The following FRAS1 variants were observed in gnomAD, a reference collection of about 807,000 sequenced individuals.
FRAS1 encodes the protein extracellular matrix organizing protein FRAS1.
A neutral mutation model predicts 435.2 loss-of-function variants in FRAS1; 290 were observed. The observed-to-expected ratio is 0.67, with a 90% CI of 0.61 to 0.73. FRAS1 has a LOEUF of 0.73. FRAS1 is among the 30% of genes least tolerant of loss of function. FRAS1 has a pLI of 0.00. For missense variants in FRAS1, 4,860 were observed against 5,001.5 expected, an observed-to-expected ratio of 0.97 and a Z score of 0.85; for synonymous variants, 1,800 against 1,851.0, an observed-to-expected ratio of 0.97 and a Z score of 0.71.
At chr4:78,118,876 T>G (rs982216206) in intron 2 of FRAS1, among the ~76,000 whole-genome samples, 2 of 152,192 alleles carry the variant, frequency 1.3e-5, no homozygotes, top group African/African-American at 4.8e-5. Flanking sequence ...GTACCTCAGT[T>G]GGAAATGCAG....
At chr4:78,452,452 T>C (rs1719055824) in intron 47 of FRAS1, 98 bp downstream of exon 47, 1 of 888,996 alleles carries the variant, frequency 1.1e-6, no homozygotes, top group Non-Finnish European at 1.7e-6. Flanking sequence ...AGAATCTGCC[T>C]TAATTCATAT....
At chr4:78,357,759 C>T (rs13114164) in intron 20 of FRAS1, among the ~76,000 whole-genome samples, 15,618 of 151,994 alleles carry the variant, frequency 0.1, 900 homozygotes, top group African/African-American at 0.15. Flanking sequence ...AAGAATTAGG[C>T]GGACCCGGTG....
chr4:78,129,238 G>A (rs1391737191), intron 2 of FRAS1, among the ~76,000 whole-genome samples: 2 of 152,168 alleles, frequency 1.3e-5, no homozygotes, highest in Non-Finnish European at 2.9e-5. Flanking sequence ...GGCGATGTGG[G>A]CTCTTTTTTG....
At chr4:78,154,515 A>G (rs978509174) in intron 2 of FRAS1, among the ~76,000 whole-genome samples, 1 of 152,176 alleles carries the variant, frequency 6.6e-6, no homozygotes, top group Admixed American at 6.5e-5. Flanking sequence ...TAATGTTTGC[A>G]TGTTTTAAGG....
Position 78,509,011 on chromosome 4 carries a change from G to T in FRAS1, c.9780+5G>T, listed in dbSNP as rs771232218. The T allele has an allele frequency of 6.2e-7, 1 of 1,613,848 alleles. No individual in the cohort carries two copies. The highest frequency in any genetic ancestry group is 8.5e-7 in the Non-Finnish European group (1 of 1,179,850). Reference sequence around the variant, plus strand: ...TTCACCAGTGTCAACCACATGGTAGGTCTGGGGGTCTGGGCCTGGTTCTCC... The same window carrying T: ...TTCACCAGTGTCAACCACATGGTAGTTCTGGGGGTCTGGGCCTGGTTCTCC... On this transcript the variant is annotated splice_donor_5th_base_variant and intron_variant, in intron 63 of 73. Coordinates refer to ENST00000512123, the MANE Select transcript of FRAS1 (RefSeq NM_025074.7).
chr4:78,503,299 T>C (rs560286385), intron 61 of FRAS1, among the ~76,000 whole-genome samples: 1 of 152,378 alleles, frequency 6.6e-6, no homozygotes, highest in South Asian at 2.1e-4. Flanking sequence ...TACCAGCTCT[T>C]CTTTGTACCT....
intron 2 of FRAS1, among the ~76,000 whole-genome samples, chr4:78,125,905 G>A (rs7676083): frequency 0.46 from 70,606 of 152,008 alleles, 19,631 homozygotes; most frequent in Non-Finnish European, 0.61. Flanking sequence ...AACCACTGCC[G>A]TCTTCAGAGC....
intron 60 of FRAS1, among the ~76,000 whole-genome samples, chr4:78,497,537 A>G (rs1178155362): frequency 6.6e-6 from 1 of 152,218 alleles, no homozygotes; most frequent in Non-Finnish European, 1.5e-5. Flanking sequence ...AATGTTACAA[A>G]TAGTGATAGC....
intron 70 of FRAS1, among the ~76,000 whole-genome samples, chr4:78,531,967 C>T (rs554592726): frequency 4.6e-5 from 7 of 152,312 alleles, no homozygotes; most frequent in Non-Finnish European, 8.8e-5. Flanking sequence ...GCCCACCTGG[C>T]AAAAGCCCTG....
intron 59 of FRAS1, among the ~76,000 whole-genome samples, chr4:78,492,605 G>A (rs764617921): frequency 8.5e-5 from 13 of 152,172 alleles, no homozygotes; most frequent in Non-Finnish European, 1.8e-4. Flanking sequence ...GCAGAAAACT[G>A]AAACTGGACC....
At chr4:78,481,780 A>C in intron 56 of FRAS1, 24 bp from the exon 57 acceptor site, 1 of 1,613,526 alleles carries the variant, frequency 6.2e-7, no homozygotes, top group Non-Finnish European at 8.5e-7. Flanking sequence ...TTGACCATTA[A>C]AATCTCTATG....
intron 2 of FRAS1, among the ~76,000 whole-genome samples, chr4:78,084,120 C>T (rs1487860424): frequency 6.6e-6 from 1 of 152,056 alleles, no homozygotes; most frequent in African/African-American, 2.4e-5. Context: ...AGAAGTTCCT[C>T]CTTATTCACA....
At position 78,451,995 on chromosome 4, in the gene FRAS1, A is replaced by C. The variant is rs1001273132; in HGVS notation, c.6583+104A>C. ...GAGGCTCGAGTCCTTCCCTTTACCTAGCTGGTGTGGAAACTGAAAATCATA... is the reference window on the plus strand; with the variant it reads ...GAGGCTCGAGTCCTTCCCTTTACCTCGCTGGTGTGGAAACTGAAAATCATA... On this transcript the variant is annotated intron_variant, in intron 46 of 73. Coordinates refer to ENST00000512123, the MANE Select transcript of FRAS1 (RefSeq NM_025074.7). 1.1e-5 allele frequency: 15 copies of C among 1,329,496 alleles called. No individual in the cohort carries two copies. In the African/African-American group the frequency reaches 1.9e-4, roughly 17 times the overall value. The allele number at this position is 1,329,496 out of a possible 1,614,324, so 82.4% of individuals were successfully genotyped here.
intron 1 of FRAS1, among the ~76,000 whole-genome samples, chr4:78,065,105 ATAC>A (rs1223674509): frequency 4.1e-5 from 5 of 120,706 alleles, no homozygotes; most frequent in Non-Finnish European, 6.9e-5. Flanking sequence ...CACACACTAA[ATAC>A]TACATATGCT....
intron 20 of FRAS1, among the ~76,000 whole-genome samples, chr4:78,362,566 G>A (rs967727774): frequency 2.6e-5 from 4 of 152,228 alleles, no homozygotes; most frequent in Non-Finnish European, 5.9e-5. Flanking sequence ...CAGGTGGTGT[G>A]TTGCCTTGTT....
At chr4:78,143,211 T>C (rs1195358440) in intron 2 of FRAS1, among the ~76,000 whole-genome samples, 4 of 152,178 alleles carry the variant, frequency 2.6e-5, no homozygotes, top group African/African-American at 4.8e-5. Flanking sequence ...AATATAGCTA[T>C]GATATCTTAA....
chr4:78,066,733 A>G (rs962722989), intron 2 of FRAS1, among the ~76,000 whole-genome samples: 1 of 152,224 alleles, frequency 6.6e-6, no homozygotes, highest in Non-Finnish European at 1.5e-5. Flanking sequence ...AATAAAACTG[A>G]ACTGAGATGG....
In FRAS1 at chr4:78,266,920, C is replaced by G. The variant is rs1726387008; in HGVS notation, c.774C>G (p.Pro258=). 6.2e-7 allele frequency: 1 copy of G among 1,604,884 alleles called. No individual in the cohort carries two copies. Among genetic ancestry groups the G allele is most frequent in the African/African-American group, 1.3e-5 (1 of 74,806 alleles). The change falls in exon 8 of 74, where the codon CCC becomes CCG. Residue 258 remains proline (P), a synonymous_variant. Transcript: ENST00000512123. The part of the protein sequence containing the change: ...EVRCHKQACL[P]LRCGKGQSRA... ...GGTGTCACAAGCAGGCCTGCCTGCC[C>G]CTGAGATGCGGAAAGGTATTTGAGA... is the stretch of plus-strand genomic sequence containing the variant.
At chr4:78,432,919 C>A (rs908286774) in intron 38 of FRAS1, among the ~76,000 whole-genome samples, 2 of 152,132 alleles carry the variant, frequency 1.3e-5, no homozygotes, top group East Asian at 3.9e-4. Flanking sequence ...TCATTATATT[C>A]CCAATGGGAA....
Sources: allele counts gnomAD v4.1 joint callset (sites outside exome capture counted in the v4.1 genomes callset), GRCh38; gene constraint gnomAD v4.1.1; transcripts MANE v1.5; gene names NCBI Gene and HGNC (gene_info 2026-07-23, HGNC 2026-07-21).